Variants in CFAP144 observed in about 807,000 individuals in gnomAD.
CFAP144 encodes the protein cilia and flagella associated protein 144, also known as cilia- and flagella-associated protein 144.
the CFAP144 span, among the ~76,000 whole-genome samples, chr1:43,155,497 A>G: frequency 1.3e-5 from 2 of 152,344 alleles, no homozygotes; most frequent in East Asian, 1.9e-4. Flanking sequence ...AGGGTCTGCA[A>G]ATATTCCATG....
the CFAP144 span, chr1:43,150,870 G>T: frequency 6.7e-7 from 1 of 1,486,886 alleles, no homozygotes; most frequent in Admixed American, 1.9e-5. Flanking sequence ...AGAGAGGCAG[G>T]CTGGCTGGAG....
chr1:43,155,400 T>C, the CFAP144 span, among the ~76,000 whole-genome samples: 1 of 152,212 alleles, frequency 6.6e-6, no homozygotes, highest in Non-Finnish European at 1.5e-5. Flanking sequence ...GAAGGACAAG[T>C]GTGGCCTGCC....
chr1:43,145,260 A>G, the CFAP144 span: 9 of 1,549,984 alleles, frequency 5.8e-6, no homozygotes, highest in Non-Finnish European at 7.8e-6. Flanking sequence ...TGAAGAGGAG[A>G]GTGAAGAGTG....
At chr1:43,152,183 G>T in the CFAP144 span, among the ~76,000 whole-genome samples, 3 of 152,128 alleles carry the variant, frequency 2.0e-5, no homozygotes, top group Non-Finnish European at 4.4e-5. Context: ...GCGTCTCTCC[G>T]GTGGAGACTC....
the CFAP144 span, chr1:43,148,093 C>G: frequency 6.2e-7 from 1 of 1,610,484 alleles, no homozygotes; most frequent in African/African-American, 1.3e-5. Flanking sequence ...GAGTGAGAGG[C>G]ACGGCGGGGT....
At chr1:43,145,289 C>T in the CFAP144 span, 2 of 1,549,362 alleles carry the variant, frequency 1.3e-6, no homozygotes, top group African/African-American at 1.4e-5. Context: ...CTAATGTGTT[C>T]TCTGGAGGGT....
At chr1:43,153,068 C>T in the CFAP144 span, 1 of 1,081,866 alleles carries the variant, frequency 9.2e-7, no homozygotes, top group Non-Finnish European at 1.3e-6. Context: ...AGTTACTAAG[C>T]TCTCTTATGA....
chr1:43,152,430 C>T, the CFAP144 span, among the ~76,000 whole-genome samples: 1 of 152,152 alleles, frequency 6.6e-6, no homozygotes, highest in African/African-American at 2.4e-5. Context: ...TCTCTCGCCA[C>T]CCCATCTACA....
the CFAP144 span, among the ~76,000 whole-genome samples, chr1:43,146,602 C>T: frequency 1.3e-5 from 2 of 152,212 alleles, no homozygotes; most frequent in Non-Finnish European, 2.9e-5. Flanking sequence ...ACATTTGCAG[C>T]ATGTACAGCC....
chr1:43,153,631 A>G, the CFAP144 span, among the ~76,000 whole-genome samples: 1 of 151,642 alleles, frequency 6.6e-6, no homozygotes, highest in Non-Finnish European at 1.5e-5. Context: ...AATTTTAAAA[A>G]TATATAAATA....
the CFAP144 span, among the ~76,000 whole-genome samples, chr1:43,155,177 T>C: frequency 6.6e-6 from 1 of 152,116 alleles, no homozygotes; most frequent in African/African-American, 2.4e-5. Flanking sequence ...AGAAGAAAGG[T>C]TGTGAAGGAT....
chr1:43,154,054 A>ATGTG, the CFAP144 span, among the ~76,000 whole-genome samples: 143 of 73,542 alleles, frequency 1.9e-3, no homozygotes, highest in African/African-American at 0.012. Context: ...CTCTTTATAT[A>ATGTG]TGTGTGTGTA....
At chr1:43,154,192 A>G in the CFAP144 span, among the ~76,000 whole-genome samples, 2 of 139,948 alleles carry the variant, frequency 1.4e-5, no homozygotes, top group Non-Finnish European at 3.1e-5. Context: ...GTAAATATAT[A>G]TAAATAAAAT....
the CFAP144 span, among the ~76,000 whole-genome samples, chr1:43,146,818 CTTCT>C: frequency 6.6e-6 from 1 of 152,108 alleles, no homozygotes; most frequent in Non-Finnish European, 1.5e-5. Flanking sequence ...ATAGGGGTGG[CTTCT>C]TTCTTTATGC....
the CFAP144 span, among the ~76,000 whole-genome samples, chr1:43,146,159 T>C: frequency 3.3e-5 from 5 of 152,228 alleles, no homozygotes; most frequent in Non-Finnish European, 5.9e-5. Context: ...TGCCCACAGA[T>C]GGCCATGGAG....
At chr1:43,145,493 T>C in the CFAP144 span, among the ~76,000 whole-genome samples, 40 of 152,206 alleles carry the variant, frequency 2.6e-4, no homozygotes, top group African/African-American at 9.4e-4. Context: ...AAATGTCTCC[T>C]GCAAAAAGGG....
the CFAP144 span, chr1:43,147,854 C>G: frequency 6.4e-7 from 1 of 1,555,990 alleles, no homozygotes; most frequent in Non-Finnish European, 8.7e-7. Flanking sequence ...GCGCTGTTGC[C>G]TGGAGACCAC....
the CFAP144 span, chr1:43,147,897 G>A: frequency 6.9e-6 from 11 of 1,601,136 alleles, no homozygotes; most frequent in Middle Eastern, 8.3e-4. Flanking sequence ...GCGGGGACGC[G>A]TTGCCTGGAG....
At chr1:43,156,138 T>A in the CFAP144 span, 1 of 1,367,568 alleles carries the variant, frequency 7.3e-7, no homozygotes, top group South Asian at 1.2e-5. Context: ...GCCAGGCCCA[T>A]TGACTCCAAA....
Sources: gnomAD v4.1 joint callset for allele counts (sites outside exome capture counted in the v4.1 genomes callset) on GRCh38, gnomAD v4.1.1 for gene constraint, MANE v1.5 for transcripts, NCBI Gene and HGNC (gene_info 2026-07-23, HGNC 2026-07-21) for gene names.